The following C4orf36 variants were observed in gnomAD, a reference collection of about 807,000 sequenced individuals.
C4orf36 encodes the protein uncharacterized protein C4orf36.
C4orf36 carries 11 observed loss-of-function variants against 12.2 expected under a neutral mutation model. The observed-to-expected ratio is 0.90, with a 90% CI of 0.57 to 1.49. C4orf36 has a LOEUF of 1.49. Ranked by LOEUF, C4orf36 falls within the 40% of genes most tolerant of loss-of-function variation. C4orf36 has a pLI of 0.00. For missense variants in C4orf36, 137 were observed against 133.9 expected (o/e 1.02, Z -0.11); for synonymous variants, 54 against 51.3 (o/e 1.05, Z -0.22).
At chr4:86,893,004 G>T (rs1747487533), upstream of C4orf36, among the ~76,000 whole-genome samples, 4 of 152,268 alleles carry the variant, frequency 2.6e-5, no homozygotes, top group South Asian at 8.3e-4. Context: ...TTAAGATTTC[G>T]CATGTCACTG....
chr4:86,890,282 T>C lies in C4orf36; in HGVS notation c.65+1174A>G, dbSNP rs961509476. Reference sequence around the variant, plus strand: ...CAACTTGCCCAAGGTCACAAAGCCATTGGTTGTGAAGTTGGGATCTGAACC... The same window carrying C: ...CAACTTGCCCAAGGTCACAAAGCCACTGGTTGTGAAGTTGGGATCTGAACC... On this transcript the variant is annotated intron_variant, in intron 2 of 4. Transcript: ENST00000295898. 7.9e-6 allele frequency: 3 copies of C among 379,296 alleles called. No homozygotes were observed. The Admixed American group carries it at 8.6e-5, about 11-fold the overall frequency. 23.5% of individuals were successfully genotyped at this position (379,296 alleles called of 1,614,324 possible).
the C4orf36 span, among the ~76,000 whole-genome samples, chr4:86,904,858 T>G: frequency 7.2e-5 from 11 of 152,264 alleles, no homozygotes; most frequent in South Asian, 2.3e-3. Flanking sequence ...AAGGACTGAA[T>G]TGTGCCCCCT....
upstream of C4orf36, among the ~76,000 whole-genome samples, chr4:86,893,446 C>T (rs1393482975): frequency 6.6e-6 from 1 of 151,968 alleles, no homozygotes; most frequent in African/African-American, 2.4e-5. Context: ...ATTAGCTGGG[C>T]GAGGTGGCGC....
intron 4 of C4orf36, among the ~76,000 whole-genome samples, chr4:86,876,849 AGAT>A (rs1165155262): frequency 1.3e-5 from 2 of 152,260 alleles, no homozygotes; most frequent in East Asian, 3.8e-4. Context: ...TCTAGAACCC[AGAT>A]CTACTAAAAC....
At chr4:86,911,572 T>G in the C4orf36 span, among the ~76,000 whole-genome samples, 7 of 152,230 alleles carry the variant, frequency 4.6e-5, no homozygotes, top group African/African-American at 1.7e-4. Context: ...TCTTATTTCT[T>G]TGATGAGTTT....
rs1747253656 is a variant in C4orf36, at chr4:86,888,142, C to A, written c.199G>T (p.Gly67Ter). The A allele has an allele frequency of 6.8e-6, 11 of 1,613,552 alleles. No individual in the cohort carries two copies. Among genetic ancestry groups the A allele is most frequent in the Non-Finnish European group, 9.3e-6 (11 of 1,179,870 alleles). Reference protein sequence around the residue: ...QLTKCTTIKDGLLPSAESIKL... With the variant: ...QLTKCTTIKD Reference sequence around the variant, plus strand: ...TTACATTCTGCAGAAGGGAGCAGTCCATCTTTAATGGTGGTACATTTTGTG... The same window carrying A: ...TTACATTCTGCAGAAGGGAGCAGTCAATCTTTAATGGTGGTACATTTTGTG... Residue 67 changes from glycine to a stop codon, truncating the protein, a stop_gained, in exon 3 of 5, where the codon GGA becomes TGA. Transcript: ENST00000295898. LOFTEE classifies it high-confidence loss of function.
At chr4:86,930,984 C>A in the C4orf36 span, among the ~76,000 whole-genome samples, 1 of 152,216 alleles carries the variant, frequency 6.6e-6, no homozygotes, top group Non-Finnish European at 1.5e-5. Context: ...GCTTTCTGTA[C>A]ATTTTCTTGC....
At chr4:86,887,507 AGC>A (rs1747222026) in intron 4 of C4orf36, 1 of 364,140 alleles carries the variant, frequency 2.7e-6, no homozygotes, top group African/African-American at 2.1e-5. Flanking sequence ...TAAAATGAAT[AGC>A]ACAAACGACT....
chr4:86,887,634 G>T (rs192713306), intron 4 of C4orf36, 124 bp downstream of exon 4: 1 of 1,133,240 alleles, frequency 8.8e-7, no homozygotes, highest in Non-Finnish European at 1.3e-6. Context: ...CACAGCTGTG[G>T]GCAGTGGCCC....
At chr4:86,885,867 C>T (rs551870709) in intron 4 of C4orf36, among the ~76,000 whole-genome samples, 6 of 152,218 alleles carry the variant, frequency 3.9e-5, no homozygotes, top group African/African-American at 7.2e-5. Flanking sequence ...TTTTGAGATA[C>T]GTCCCATCAA....
At chr4:86,914,187 A>G in the C4orf36 span, 1 of 1,592,166 alleles carries the variant, frequency 6.3e-7, no homozygotes. Context: ...GGACTACTTC[A>G]CAAAAGTAGC....
At chr4:86,923,833 TA>T in the C4orf36 span, among the ~76,000 whole-genome samples, 1 of 151,614 alleles carries the variant, frequency 6.6e-6, no homozygotes. Context: ...GATAACACCA[TA>T]AGCTTATTTA....
In C4orf36 at chr4:86,892,363, C is replaced by A; in HGVS notation, c.-254G>T. 4 of 985,396 alleles carry A rather than the reference C, an allele frequency of 4.1e-6. No homozygotes were observed. Among genetic ancestry groups the A allele is most frequent in the Non-Finnish European group, 4.8e-6 (4 of 829,886 alleles). The allele number at this position is 985,396 out of a possible 1,614,324, so 61.0% of individuals were successfully genotyped here. On this transcript the variant is annotated 5_prime_UTR_variant, in exon 1 of 5. Coordinates refer to ENST00000295898, the MANE Select transcript of C4orf36 (RefSeq NM_144645.4). ...CGCTAAGCGCACATGGCCGCGCACACGCCTCGGGGCCGCGCCGCAGGCACA... is the reference window on the plus strand; with the variant it reads ...CGCTAAGCGCACATGGCCGCGCACAAGCCTCGGGGCCGCGCCGCAGGCACA...
At chr4:86,881,027 C>T (rs1042651921) in intron 4 of C4orf36, among the ~76,000 whole-genome samples, 32 of 130,454 alleles carry the variant, frequency 2.5e-4, no homozygotes, top group African/African-American at 6.0e-4. Flanking sequence ...AGTGAGATTC[C>T]GCCTCAAAAA....
At chr4:86,932,129 C>G in the C4orf36 span, 1 of 151,804 alleles carries the variant, frequency 6.6e-6, no homozygotes, top group African/African-American at 2.4e-5. Context: ...GGCAGATAAC[C>G]TGAGGTCCGG....
the C4orf36 span, among the ~76,000 whole-genome samples, chr4:86,901,541 G>A: frequency 1.3e-5 from 2 of 151,766 alleles, no homozygotes; most frequent in African/African-American, 4.8e-5. Context: ...CCAAGTAGCT[G>A]GGACTACAGG....
chr4:86,910,934 A>G, the C4orf36 span, among the ~76,000 whole-genome samples: 1 of 151,774 alleles, frequency 6.6e-6, no homozygotes, highest in East Asian at 1.9e-4. Flanking sequence ...AAAAAAAAAA[A>G]TAGCTGAGCG....
In C4orf36 at chr4:86,892,420, T is replaced by C. The variant is rs991543714; in HGVS notation, c.-311A>G. 1.0e-6 allele frequency: 1 copy of C among 985,196 alleles called. No individual in the cohort carries two copies. The highest frequency in any genetic ancestry group is 1.7e-5 in the African/African-American group (1 of 57,180). 61.0% of individuals were successfully genotyped at this position (985,196 alleles called of 1,614,324 possible). On this transcript the variant is annotated 5_prime_UTR_variant, in exon 1 of 5. Transcript: ENST00000295898. Reference sequence around the variant, plus strand: ...CTTCCCGCTCGCCGCGGGCGCCGAGTCTGGGGCTCCTCGCGTCACACGGGA... The same window carrying C: ...CTTCCCGCTCGCCGCGGGCGCCGAGCCTGGGGCTCCTCGCGTCACACGGGA...
chr4:86,921,459 T>C, the C4orf36 span, among the ~76,000 whole-genome samples: 1 of 152,202 alleles, frequency 6.6e-6, no homozygotes, highest in East Asian at 1.9e-4. Context: ...GTTGGCTACA[T>C]ATTTTCTCTT....
Sources: gnomAD v4.1 joint callset for allele counts (sites outside exome capture counted in the v4.1 genomes callset) on GRCh38, gnomAD v4.1.1 for gene constraint, MANE v1.5 for transcripts, NCBI Gene and HGNC (gene_info 2026-07-23, HGNC 2026-07-21) for gene names.